The following CCDC39 variants were observed in gnomAD, a reference collection of about 807,000 sequenced individuals.
CCDC39 encodes coiled-coil domain 39 molecular ruler complex subunit, also known as coiled-coil domain-containing protein 39.
In CCDC39, 113 loss-of-function variants were observed where a neutral mutation model predicts 121.0. That is an observed-to-expected ratio of 0.93 (90% CI 0.80 to 1.09). The LOEUF (loss-of-function observed/expected upper bound fraction) is 1.09. Among genes scored for constraint, CCDC39 ranks in the 50% least tolerant of loss-of-function variants. CCDC39 has a pLI of 0.00. For missense variants in CCDC39, 1,063 were observed against 1,074.7 expected (o/e 0.99, Z 0.15); for synonymous variants, 349 against 352.2 (o/e 0.99, Z 0.10).
At chr3:180,638,714 G>C (rs934227083) in intron 13 of CCDC39, among the ~76,000 whole-genome samples, 1 of 152,060 alleles carries the variant, frequency 6.6e-6, no homozygotes, top group Non-Finnish European at 1.5e-5. Context: ...GAAAATAATA[G>C]AAACTAATTT....
chr3:180,645,887 G>C (rs1198112988), intron 11 of CCDC39, among the ~76,000 whole-genome samples: 1 of 152,052 alleles, frequency 6.6e-6, no homozygotes, highest in African/African-American at 2.4e-5. Context: ...AGTTCAAAGG[G>C]GGAAGAATTA....
At chr3:180,674,553 T>A (rs1177665537) in intron 1 of CCDC39, among the ~76,000 whole-genome samples, 2 of 152,238 alleles carry the variant, frequency 1.3e-5, no homozygotes, top group African/African-American at 4.8e-5. Flanking sequence ...CCCTGTCTTG[T>A]GCCAGTTTTC....
rs145586591 is a variant in CCDC39 at position 180,663,626 on chromosome 3, C to T, written c.210+241G>A. ...CAGAGGTTGCAGTGAGCTGAGATCA[C>T]GCCACTGTACTCCAGCCTAGGAAAC... On this transcript the variant is annotated intron_variant, in intron 2 of 19. Transcript: ENST00000476379. Among the ~76,000 whole-genome samples, 223 of 150,514 alleles carry T rather than the reference C, an allele frequency of 1.5e-3. 2 individuals are homozygous for T. The highest frequency in any genetic ancestry group is 5.1e-3 in the African/African-American group (210 of 40,824).
chr3:180,658,221 A>G (rs1174732077), intron 6 of CCDC39, among the ~76,000 whole-genome samples: 1 of 149,756 alleles, frequency 6.7e-6, no homozygotes, highest in African/African-American at 2.5e-5. Flanking sequence ...CCTGGGCGAT[A>G]AGAGTGAAAC....
Position 180,675,117 on chromosome 3 carries a change from T to C in CCDC39, c.90+4174A>G, listed in dbSNP as rs567386665. 4.8e-3 allele frequency among the ~76,000 whole-genome samples: 737 copies of C among 152,284 alleles called. 8 individuals carry two copies. The highest frequency in any genetic ancestry group is 0.017 in the African/African-American group (711 of 41,560). On this transcript the variant is annotated intron_variant, in intron 1 of 19. Transcript: ENST00000476379. ...TGTGAATACATCTGGTCCTGGACTT[T>C]TTTTGGTTGGTAAGCTATTAATTAT...
At chr3:180,664,599 C>T (rs1013726751) in intron 1 of CCDC39, among the ~76,000 whole-genome samples, 5 of 151,942 alleles carry the variant, frequency 3.3e-5, no homozygotes, top group South Asian at 4.1e-4. Context: ...AGATTTGCAG[C>T]GGTAGCAGAT....
intron 1 of CCDC39, among the ~76,000 whole-genome samples, chr3:180,674,518 G>C (rs1339274591): frequency 6.6e-6 from 1 of 152,156 alleles, no homozygotes; most frequent in East Asian, 1.9e-4. Flanking sequence ...ACACTATGTT[G>C]AATAGGAGTG....
intron 14 of CCDC39, among the ~76,000 whole-genome samples, chr3:180,629,299 G>C (rs1365642928): frequency 1.3e-5 from 2 of 152,328 alleles, no homozygotes; most frequent in East Asian, 1.9e-4. Context: ...ATAAACTTCA[G>C]TGCTTGGGTT....
At chr3:180,661,253 A>G (rs1323233553) in intron 3 of CCDC39, among the ~76,000 whole-genome samples, 1 of 152,064 alleles carries the variant, frequency 6.6e-6, no homozygotes. Flanking sequence ...TAGTCACTTA[A>G]CAAATCTAGA....
chr3:180,631,501 C>T lies in CCDC39; in HGVS notation c.1966G>A (p.Glu656Lys). Residue 656 changes from glutamate (E) to lysine (K), a missense_variant, in exon 14 of 20, where the codon GAG (glutamate) becomes AAG (lysine). By Grantham distance (56) the Glu-to-Lys change is moderately conservative. Transcript: ENST00000476379. Reference sequence around the variant, plus strand: ...ACATAATAGGCCTGTGTTTTCTCCTCTTCTCCTTCAGGAGGCAGCATAACA... The same window carrying T: ...ACATAATAGGCCTGTGTTTTCTCCTTTTCTCCTTCAGGAGGCAGCATAACA... ...TVVMLPPEGE[E>K]EKTQAYYVIK... 3 of 1,607,668 alleles carry T rather than the reference C, an allele frequency of 1.9e-6. No homozygotes were observed. Among genetic ancestry groups the T allele is most frequent in the Non-Finnish European group, 2.5e-6 (3 of 1,179,086 alleles).
At chr3:180,678,402 C>CA (rs1176088893) in intron 1 of CCDC39, among the ~76,000 whole-genome samples, 1 of 152,176 alleles carries the variant, frequency 6.6e-6, no homozygotes, top group Non-Finnish European at 1.5e-5. Context: ...TTCCGTTTTA[C>CA]AAAGTTGTGT....
intron 16 of CCDC39, chr3:180,617,555 T>C: frequency 1.7e-6 from 1 of 599,390 alleles, no homozygotes; most frequent in Non-Finnish European, 3.0e-6. Flanking sequence ...TTGATGATCC[T>C]GACCACGGGT....
chr3:180,637,171 A>G (rs1316463371), intron 13 of CCDC39, among the ~76,000 whole-genome samples: 1 of 152,196 alleles, frequency 6.6e-6, no homozygotes, highest in Non-Finnish European at 1.5e-5. Context: ...AAATTTTTGC[A>G]AACTCTGCAT....
rs149924165 is a variant in CCDC39 at position 180,639,308 on chromosome 3, G to A, written c.1874+2685C>T. 4.7e-3 allele frequency among the ~76,000 whole-genome samples: 722 copies of A among 152,118 alleles called. 5 individuals are homozygous for A. Among genetic ancestry groups the A allele is most frequent in the African/African-American group, 0.017 (692 of 41,496 alleles). On this transcript the variant is annotated intron_variant, in intron 13 of 19. Transcript: ENST00000476379. ...CATGCTCATCTTTGACAGTGTCTGT[G>A]GCTGCTTTCAGTCTACAATGACAGA...
At chr3:180,671,210 CAAAA>C (rs67323828) in intron 1 of CCDC39, among the ~76,000 whole-genome samples, 2 of 78,386 alleles carry the variant, frequency 2.6e-5, no homozygotes, top group African/African-American at 4.3e-5. Context: ...GACTCTGTGT[CAAAA>C]AAAAAAAAAA....
rs1323420536 is a variant in CCDC39, at chr3:180,631,452, GAATC to G, written c.1998+13_1998+16del. On this transcript the variant is annotated intron_variant, in intron 14 of 19. Transcript: ENST00000476379. ...GAAAATTTCATACCATCACAACTGT[GAATC>G]AATTAAAATTACCTTTATTACATAA... 2.5e-6 allele frequency: 4 copies of G among 1,590,576 alleles called. No homozygotes were observed. Among genetic ancestry groups the G allele is most frequent in the Non-Finnish European group, 3.4e-6 (4 of 1,173,720 alleles).
chr3:180,616,183 T>C (rs1717230275), intron 19 of CCDC39, 98 bp downstream of exon 19: 1 of 954,402 alleles, frequency 1.0e-6, no homozygotes, highest in Non-Finnish European at 1.7e-6. Context: ...AGTGAGTGCA[T>C]GGGCCTGCCT....
At chr3:180,652,358 C>A in intron 7 of CCDC39, 92 bp from the exon 8 acceptor site, 2 of 715,320 alleles carry the variant, frequency 2.8e-6, no homozygotes, top group Middle Eastern at 4.0e-4. Flanking sequence ...ACTTTAAGTT[C>A]TAACCTACAT....
Position 180,614,727 on chromosome 3 carries a change from T to C in CCDC39, c.*194A>G. ...ATAACATGTAGCCTTGTCAAGAATC[T>C]GCTATTAATTTCTTCAGTATGAAGA... On this transcript the variant is annotated 3_prime_UTR_variant, in exon 20 of 20. Coordinates refer to ENST00000476379, the MANE Select transcript of CCDC39 (RefSeq NM_181426.2). The C allele has an allele frequency of 2.0e-6, 1 of 506,640 alleles. No individual in the cohort carries two copies. Among genetic ancestry groups the C allele is most frequent in the Non-Finnish European group, 3.4e-6 (1 of 292,026 alleles). The allele number at this position is 506,640 out of a possible 1,614,324, so 31.4% of individuals were successfully genotyped here.
Sources: gnomAD v4.1 joint callset for allele counts (sites outside exome capture counted in the v4.1 genomes callset) on GRCh38, gnomAD v4.1.1 for gene constraint, MANE v1.5 for transcripts, NCBI Gene and HGNC (gene_info 2026-07-23, HGNC 2026-07-21) for gene names.